Variants in KAT6B observed in about 807,000 individuals in gnomAD.
KAT6B encodes the protein histone acetyltransferase KAT6B.
In KAT6B, 10 loss-of-function variants were observed where a neutral mutation model predicts 187.5. The observed-to-expected ratio is 0.05, with a 90% CI of 0.03 to 0.09. The LOEUF (loss-of-function observed/expected upper bound fraction) is 0.09, where lower values mean the gene tolerates loss of function less well. Ranked by LOEUF, KAT6B falls within the 10% of genes least tolerant of loss-of-function variation. The probability of loss-of-function intolerance (pLI) is 1.00; values close to 1 mark genes in which losing one functional copy is unlikely to be tolerated. For missense variants in KAT6B, 1,952 were observed against 2,558.9 expected, an observed-to-expected ratio of 0.76 and a Z score of 5.12; for synonymous variants, 861 against 926.8, an observed-to-expected ratio of 0.93 and a Z score of 1.29.
At position 75,002,652 on chromosome 10, in the gene KAT6B, G is replaced by A. The variant is rs138454180; in HGVS notation, c.2629+13540G>A. Among the ~76,000 whole-genome samples the A allele has an allele frequency of 6.5e-3, 992 of 152,286 alleles. 15 individuals are homozygous for A. The highest frequency in any genetic ancestry group is 0.023 in the African/African-American group (936 of 41,582). ...GACAGCAGTTACTGTACTGGATACC[G>A]TAGGTGTTAGTGGTTGTAACATAAT... is the stretch of plus-strand genomic sequence containing the variant. On this transcript the variant is annotated intron_variant, in intron 13 of 17. Transcript: ENST00000287239.
intron 13 of KAT6B, among the ~76,000 whole-genome samples, chr10:75,008,256 T>C (rs890451993): frequency 3.9e-5 from 6 of 152,096 alleles, no homozygotes; most frequent in African/African-American, 7.2e-5. Flanking sequence ...TTTTCTTTTT[T>C]TGTGGGAAGA....
At chr10:75,021,727 G>A (rs1845418855) in intron 15 of KAT6B, among the ~76,000 whole-genome samples, 154 bp from the exon 16 acceptor site, 1 of 152,186 alleles carries the variant, frequency 6.6e-6, no homozygotes, top group Non-Finnish European at 1.5e-5. Flanking sequence ...CCTAACTGAT[G>A]CAAAAGGTTC....
chr10:74,958,518 C>T (rs763409694), intron 3 of KAT6B, among the ~76,000 whole-genome samples: 2 of 152,100 alleles, frequency 1.3e-5, no homozygotes, highest in East Asian at 1.9e-4. Context: ...TTGGAATATG[C>T]GGTAAAATTA....
chr10:74,975,592 T>C lies in KAT6B; in HGVS notation c.1255T>C (p.Tyr419His). 6.2e-7 allele frequency: 1 copy of C among 1,614,120 alleles called. No homozygotes were observed. The highest frequency in any genetic ancestry group is 8.5e-7 in the Non-Finnish European group (1 of 1,180,024). Residue 419 changes from tyrosine (Y) to histidine (H), a missense_variant, in exon 8 of 18, where the codon TAC (tyrosine) becomes CAC (histidine). This residue lies in a region of KAT6B where 417 missense variants were observed against 508.9 expected (regional missense o/e 0.82). Coordinates refer to ENST00000287239, the MANE Select transcript of KAT6B (RefSeq NM_012330.4). ...ATTKITTTST[Y>H]ISASTLKVNK... ...CACCAAAATCACCACCACCTCCACCTACATTTCTGCCTCTACACTTAAAGT... is the reference window on the plus strand; with the variant it reads ...CACCAAAATCACCACCACCTCCACCCACATTTCTGCCTCTACACTTAAAGT...
At chr10:74,853,831 A>G (rs148064872) in intron 3 of KAT6B, among the ~76,000 whole-genome samples, 1,594 of 149,882 alleles carry the variant, frequency 0.011, 36 homozygotes, top group African/African-American at 0.037. Context: ...GGGTTTCACC[A>G]TATTGGCCAG....
intron 3 of KAT6B, among the ~76,000 whole-genome samples, chr10:74,857,088 A>G (rs1200569483): frequency 6.6e-6 from 1 of 152,164 alleles, no homozygotes; most frequent in African/African-American, 2.4e-5. Flanking sequence ...ATTAACAAGT[A>G]ATCTGTGCAA....
intron 3 of KAT6B, among the ~76,000 whole-genome samples, chr10:74,852,293 T>C (rs1842527151): frequency 6.6e-6 from 1 of 152,214 alleles, no homozygotes; most frequent in Non-Finnish European, 1.5e-5. Context: ...TAAAATATGC[T>C]CTTCAAAATA....
intron 3 of KAT6B, among the ~76,000 whole-genome samples, chr10:74,917,051 A>C (rs1292525598): frequency 6.6e-6 from 1 of 152,190 alleles, no homozygotes; most frequent in Non-Finnish European, 1.5e-5. Context: ...GCTGCAGTGA[A>C]CTGAGATCAC....
chr10:74,929,789 T>G (rs894178233), intron 3 of KAT6B, among the ~76,000 whole-genome samples: 2 of 152,194 alleles, frequency 1.3e-5, no homozygotes, highest in African/African-American at 4.8e-5. Context: ...TCAAGGAAAG[T>G]GAGCACAAGT....
intron 3 of KAT6B, among the ~76,000 whole-genome samples, chr10:74,872,669 C>T (rs1348764610): frequency 2.7e-5 from 4 of 150,290 alleles, no homozygotes; most frequent in African/African-American, 7.5e-5. Context: ...TGTGCCACCA[C>T]TCCTGGCTAA....
At chr10:74,908,960 A>G (rs1341986811) in intron 3 of KAT6B, among the ~76,000 whole-genome samples, 1 of 152,218 alleles carries the variant, frequency 6.6e-6, no homozygotes, top group Non-Finnish European at 1.5e-5. Flanking sequence ...TCTCTGAACC[A>G]AGGTTTCTTA....
chr10:74,930,449 A>G (rs1417809874), intron 3 of KAT6B, among the ~76,000 whole-genome samples: 2 of 152,246 alleles, frequency 1.3e-5, no homozygotes, highest in Non-Finnish European at 2.9e-5. Flanking sequence ...TTTGACTCAC[A>G]TAGACTTAGC....
At chr10:74,929,210 G>GT (rs1848700812) in intron 3 of KAT6B, among the ~76,000 whole-genome samples, 1 of 152,022 alleles carries the variant, frequency 6.6e-6, no homozygotes, top group African/African-American at 2.4e-5. Context: ...AATGAAATTA[G>GT]TTTTTTCTAC....
In KAT6B at chr10:75,030,227, T is replaced by G. The variant is rs1433679734; in HGVS notation, c.5403T>G (p.Ser1801Arg). 3 of 1,613,718 alleles carry G rather than the reference T, an allele frequency of 1.9e-6. No homozygotes were observed. The African/African-American group carries it at 4.0e-5, about 22-fold the overall frequency. Residue 1801 changes from serine (S) to arginine (R), a missense_variant, in exon 18 of 18, where the codon AGT becomes AGG. This residue lies in a region of KAT6B where 358 missense variants were observed against 436.3 expected (regional missense o/e 0.82). Transcript: ENST00000287239. This position sits in a 1 kb window ranked among gnomAD's most constrained non-coding sequence, Gnocchi z 4.8. ...NIGLYERMGQSDFGAGHYPQP... is the reference protein window; with the variant it reads ...NIGLYERMGQRDFGAGHYPQP... ...GCTTATACGAGCGAATGGGTCAGAG[T>G]GATTTTGGGGCTGGGCATTACCCGC...
At chr10:74,860,795 C>T (rs1034202090) in intron 3 of KAT6B, among the ~76,000 whole-genome samples, 18 of 152,192 alleles carry the variant, frequency 1.2e-4, no homozygotes, top group Admixed American at 5.9e-4. Flanking sequence ...GCCAGGAGTT[C>T]GAGACCAGCC....
chr10:75,015,319 T>C (rs1844902251), intron 13 of KAT6B, among the ~76,000 whole-genome samples: 1 of 152,196 alleles, frequency 6.6e-6, no homozygotes, highest in South Asian at 2.1e-4. Flanking sequence ...CCTGTATCTT[T>C]TAATAAGTGG....
intron 3 of KAT6B, among the ~76,000 whole-genome samples, chr10:74,900,226 A>G (rs1846281639): frequency 6.6e-6 from 1 of 152,202 alleles, no homozygotes; most frequent in African/African-American, 2.4e-5. Flanking sequence ...AAATATTTAA[A>G]ATTTGTCATC....
At chr10:74,863,154 TA>T (rs1843309776) in intron 3 of KAT6B, among the ~76,000 whole-genome samples, 1 of 152,242 alleles carries the variant, frequency 6.6e-6, no homozygotes, top group African/African-American at 2.4e-5. Flanking sequence ...ACTATAAAGA[TA>T]ACTACTGTTG....
At chr10:75,021,390 A>G in intron 15 of KAT6B, 105 bp downstream of exon 15, 1 of 1,110,628 alleles carries the variant, frequency 9.0e-7, no homozygotes, top group Non-Finnish European at 1.3e-6. Flanking sequence ...TTATGTAGAG[A>G]TAGCATGTGA....
Sources: gnomAD v4.1 joint callset for allele counts (sites outside exome capture counted in the v4.1 genomes callset) on GRCh38, gnomAD v4.1.1 for gene constraint, gnomAD v4.1.1 regional missense constraint, Gnocchi (gnomAD v3.1) non-coding constraint, MANE v1.5 for transcripts, NCBI Gene and HGNC (gene_info 2026-07-23, HGNC 2026-07-21) for gene names.